SLC1A2: variants seen among roughly 807,000 people sequenced by gnomAD.
SLC1A2 encodes the protein solute carrier family 1 member 2, also known as excitatory amino acid transporter 2.
A neutral mutation model predicts 48.8 loss-of-function variants in SLC1A2; 15 were observed. That is an observed-to-expected ratio of 0.31 (90% CI 0.21 to 0.47). The LOEUF (loss-of-function observed/expected upper bound fraction) is 0.47, where lower values mean the gene tolerates loss of function less well. SLC1A2 is among the 20% of genes least tolerant of loss of function. The probability of loss-of-function intolerance (pLI) is 0.99; values close to 1 mark genes in which losing one functional copy is unlikely to be tolerated. For synonymous variants in SLC1A2, 279 were observed against 272.6 expected (o/e 1.02, Z -0.23); for missense variants, 502 against 730.5 (o/e 0.69, Z 3.61).
chr11:35,390,316 C>T (rs566139498), intron 1 of SLC1A2, among the ~76,000 whole-genome samples: 1 of 152,012 alleles, frequency 6.6e-6, no homozygotes, highest in African/African-American at 2.4e-5. Flanking sequence ...ATTCACACAC[C>T]AAAGTACAAG....
chr11:35,401,597 C>T (rs1376426258), intron 1 of SLC1A2, among the ~76,000 whole-genome samples: 1 of 152,144 alleles, frequency 6.6e-6, no homozygotes, highest in Non-Finnish European at 1.5e-5. Context: ...GGGTCCACTC[C>T]GTTGCTTGGG....
intron 8 of SLC1A2, chr11:35,286,422 T>C (rs763912865): frequency 1.1e-4 from 19 of 177,044 alleles, no homozygotes; most frequent in Non-Finnish European, 1.9e-4. Context: ...GCTGTAGCCA[T>C]GGACAAACTA....
intron 1 of SLC1A2, among the ~76,000 whole-genome samples, chr11:35,409,186 A>C (rs1022089913): frequency 1.3e-5 from 2 of 152,252 alleles, no homozygotes; most frequent in Admixed American, 6.5e-5. Flanking sequence ...AGTGGAATAG[A>C]ACAGAGAAAT....
chr11:35,281,126 C>G, intron 8 of SLC1A2, 125 bp from the exon 9 acceptor site: 1 of 1,285,798 alleles, frequency 7.8e-7, no homozygotes, highest in Non-Finnish European at 1.0e-6. Flanking sequence ...ACCCCATACT[C>G]TCCACCAAGG....
intron 1 of SLC1A2, among the ~76,000 whole-genome samples, chr11:35,326,910 AAAG>A (rs1852269103): frequency 6.6e-6 from 1 of 152,190 alleles, no homozygotes; most frequent in African/African-American, 2.4e-5. Flanking sequence ...ACCTTAGTAT[AAAG>A]GAGATTCTCA....
At chr11:35,312,012 T>G in intron 4 of SLC1A2, 186 bp downstream of exon 4, 1 of 393,628 alleles carries the variant, frequency 2.5e-6, no homozygotes, top group Non-Finnish European at 4.3e-6. Context: ...TTAAAAAAAT[T>G]AAAACCAGGA....
At position 35,418,923 on chromosome 11, in the gene SLC1A2, C is replaced by G. The variant is rs528189098; in HGVS notation, c.17+27G>C. The stretch of plus-strand genomic sequence containing the variant: ...CACCCCGCGCGTGACCCCGCTTTCC[C>G]GCGGGTACAGATAAAAATCCCCTCA... On this transcript the variant is annotated intron_variant, in intron 1 of 10. Coordinates refer to ENST00000278379, the MANE Select transcript of SLC1A2 (RefSeq NM_004171.4). 4 of 1,554,634 alleles carry G rather than the reference C, an allele frequency of 2.6e-6. No individual in the cohort carries two copies. The East Asian group carries it at 7.3e-5, about 28-fold the overall frequency.
At chr11:35,336,767 T>C (rs1426987851) in intron 1 of SLC1A2, among the ~76,000 whole-genome samples, 5 of 152,216 alleles carry the variant, frequency 3.3e-5, no homozygotes, top group Non-Finnish European at 7.3e-5. Context: ...TCCAATTTTA[T>C]ATTTATAAAT....
At chr11:35,344,406 C>T (rs529164195) in intron 1 of SLC1A2, among the ~76,000 whole-genome samples, 4 of 152,266 alleles carry the variant, frequency 2.6e-5, no homozygotes, top group Admixed American at 1.3e-4. Context: ...AGTGCAAAGG[C>T]CTGAGGCAGA....
chr11:35,370,071 C>T (rs765760568), intron 1 of SLC1A2, among the ~76,000 whole-genome samples: 1 of 152,156 alleles, frequency 6.6e-6, no homozygotes, highest in African/African-American at 2.4e-5. Context: ...CTCCAATAGG[C>T]TGTAGCACAG....
At chr11:35,312,112 A>C in intron 4 of SLC1A2, 86 bp downstream of exon 4, 1 of 1,348,536 alleles carries the variant, frequency 7.4e-7, no homozygotes, top group Non-Finnish European at 1.0e-6. Context: ...ATTTCTACCC[A>C]GAGTTGGTCT....
intron 1 of SLC1A2, among the ~76,000 whole-genome samples, chr11:35,379,645 G>A (rs747973667): frequency 3.3e-5 from 5 of 152,194 alleles, no homozygotes; most frequent in African/African-American, 4.8e-5. Flanking sequence ...GCATATGTCC[G>A]GGGCACGCAG....
At chr11:35,385,003 G>A (rs1256173495) in intron 1 of SLC1A2, among the ~76,000 whole-genome samples, 1 of 152,146 alleles carries the variant, frequency 6.6e-6, no homozygotes, top group Non-Finnish European at 1.5e-5. Context: ...CCAGATATAT[G>A]TGGTTTATAC....
chr11:35,340,209 C>A (rs1852786497), intron 1 of SLC1A2, among the ~76,000 whole-genome samples: 1 of 152,090 alleles, frequency 6.6e-6, no homozygotes, highest in Admixed American at 6.6e-5. Flanking sequence ...TTGGTGTCTG[C>A]CCCAACTCAG....
At chr11:35,342,515 G>GT (rs143334138) in intron 1 of SLC1A2, among the ~76,000 whole-genome samples, 19,470 of 99,190 alleles carry the variant, frequency 0.2, 1,657 homozygotes, top group East Asian at 0.38. Flanking sequence ...TCAAATGAGT[G>GT]TTTTTTTTGT....
At position 35,296,659 on chromosome 11, in the gene SLC1A2, G is replaced by A. The variant is rs142756447; in HGVS notation, c.858-4139C>T. ...CACCAACCACACTGCAGCCTCTCTA[G>A]ACCTTTGTTCTGACCCTCAAAAGGC... On this transcript the variant is annotated intron_variant, in intron 6 of 10. Coordinates refer to ENST00000278379, the MANE Select transcript of SLC1A2 (RefSeq NM_004171.4). Among the ~76,000 whole-genome samples the A allele has an allele frequency of 3.8e-3, 584 of 152,034 alleles. 4 individuals carry two copies. The highest frequency in any genetic ancestry group is 4.9e-3 in the Non-Finnish European group (333 of 67,988).
chr11:35,360,886 T>A (rs189588755), intron 1 of SLC1A2, among the ~76,000 whole-genome samples: 9 of 152,100 alleles, frequency 5.9e-5, no homozygotes, highest in East Asian at 1.9e-4. Flanking sequence ...TATTATTATT[T>A]TTTTTTTGAG....
At chr11:35,265,805 T>C in intron 9 of SLC1A2, 47 bp from the exon 10 acceptor site, 1 of 1,257,778 alleles carries the variant, frequency 8.0e-7, no homozygotes. Flanking sequence ...CAGTATTATG[T>C]GGTAGTTGAG....
intron 1 of SLC1A2, chr11:35,374,234 T>G (rs1854149611): frequency 1.4e-6 from 1 of 710,542 alleles, no homozygotes; most frequent in Admixed American, 2.4e-5. Flanking sequence ...GATTTATAGC[T>G]AAGACTCCAA....
Sources: allele counts gnomAD v4.1 joint callset (sites outside exome capture counted in the v4.1 genomes callset), GRCh38; gene constraint gnomAD v4.1.1; transcripts MANE v1.5; gene names NCBI Gene and HGNC (gene_info 2026-07-23, HGNC 2026-07-21).